NKAIN2: variants seen among roughly 807,000 people sequenced by gnomAD.
The protein encoded by NKAIN2 is sodium/potassium-transporting ATPase subunit beta-1-interacting protein 2.
A neutral mutation model predicts 32.6 loss-of-function variants in NKAIN2; 14 were observed. That is an observed-to-expected ratio of 0.43 (90% CI 0.28 to 0.67). The LOEUF (loss-of-function observed/expected upper bound fraction) is 0.67. NKAIN2 is among the 30% of genes least tolerant of loss of function. The probability of loss-of-function intolerance (pLI) is 0.17; values close to 1 mark genes in which losing one functional copy is unlikely to be tolerated. For synonymous variants in NKAIN2, 80 were observed against 87.2 expected (o/e 0.92, Z 0.46); for missense variants, 198 against 258.3 (o/e 0.77, Z 1.60).
intron 1 of NKAIN2, among the ~76,000 whole-genome samples, chr6:123,874,906 TAC>T (rs1554218241): frequency 0.011 from 1,587 of 149,002 alleles, 18 homozygotes; most frequent in African/African-American, 0.034. Flanking sequence ...CATACATACA[TAC>T]ATATATATAT....
chr6:123,983,824 T>TAACAA (rs1325082354), intron 1 of NKAIN2, among the ~76,000 whole-genome samples: 3 of 152,144 alleles, frequency 2.0e-5, no homozygotes, highest in Non-Finnish European at 2.9e-5. Context: ...ATGCAGTTGT[T>TAACAA]CTTCATGGTT....
At chr6:124,059,807 C>G (rs1384801738) in intron 1 of NKAIN2, among the ~76,000 whole-genome samples, 1 of 152,128 alleles carries the variant, frequency 6.6e-6, no homozygotes, top group Non-Finnish European at 1.5e-5. Flanking sequence ...TGTGACATCT[C>G]TTTGTTTTTT....
chr6:124,423,039 A>T (rs532437942), intron 3 of NKAIN2, among the ~76,000 whole-genome samples: 74 of 152,322 alleles, frequency 4.9e-4, no homozygotes, highest in Admixed American at 2.3e-3. Flanking sequence ...AAAATCATTG[A>T]ATTTAACTGC....
intron 2 of NKAIN2, among the ~76,000 whole-genome samples, chr6:124,300,550 G>A (rs1343886627): frequency 6.6e-6 from 1 of 152,216 alleles, no homozygotes; most frequent in East Asian, 1.9e-4. Flanking sequence ...AGGGTAACGG[G>A]CAGAGTTTGG....
chr6:124,271,484 G>A (rs1377414625), intron 1 of NKAIN2, among the ~76,000 whole-genome samples: 1 of 152,178 alleles, frequency 6.6e-6, no homozygotes, highest in East Asian at 1.9e-4. Context: ...CCAAACTGCT[G>A]GGATTACAGG....
chr6:124,196,931 T>C (rs141098356), intron 1 of NKAIN2, among the ~76,000 whole-genome samples: 1 of 151,890 alleles, frequency 6.6e-6, no homozygotes, highest in African/African-American at 2.4e-5. Flanking sequence ...GATATAGACA[T>C]GCACAAGAAC....
intron 5 of NKAIN2, among the ~76,000 whole-genome samples, chr6:124,795,951 G>GT (rs538793013): frequency 9.2e-5 from 14 of 152,180 alleles, no homozygotes; most frequent in South Asian, 4.2e-4. Flanking sequence ...AAGGGTTTCT[G>GT]TTTTTTTCCA....
Position 124,153,887 on chromosome 6 carries a change from G to C in NKAIN2, c.55-129118G>C, listed in dbSNP as rs534018906. 3.8e-4 allele frequency among the ~76,000 whole-genome samples: 56 copies of C among 147,802 alleles called. 1 individual carries two copies. The highest frequency in any genetic ancestry group is 1.3e-3 in the African/African-American group (54 of 40,666). On this transcript the variant is annotated intron_variant, in intron 1 of 6. Coordinates refer to ENST00000368417, the MANE Select transcript of NKAIN2 (RefSeq NM_001040214.3). The stretch of plus-strand genomic sequence containing the variant: ...ATAAATATAATGAGAGTGGGTACTT[G>C]TTTTCTTTCCAACTTCAGATGGAAA...
chr6:124,603,126 C>T (rs192677807), intron 3 of NKAIN2, among the ~76,000 whole-genome samples: 79 of 151,930 alleles, frequency 5.2e-4, no homozygotes, highest in Admixed American at 2.7e-3. Context: ...GATATTATCC[C>T]CATTATACAG....
At chr6:124,492,786 T>C (rs1409170719) in intron 3 of NKAIN2, among the ~76,000 whole-genome samples, 2 of 152,046 alleles carry the variant, frequency 1.3e-5, no homozygotes, top group African/African-American at 2.4e-5. Context: ...TTTTAACATA[T>C]ATGCATAAAA....
At chr6:124,575,232 G>A (rs1406307332) in intron 3 of NKAIN2, among the ~76,000 whole-genome samples, 1 of 152,126 alleles carries the variant, frequency 6.6e-6, no homozygotes, top group African/African-American at 2.4e-5. Flanking sequence ...GCACTGGCAA[G>A]GTCTGTCCCC....
intron 1 of NKAIN2, among the ~76,000 whole-genome samples, chr6:124,167,133 A>G (rs1259527322): frequency 3.5e-5 from 5 of 143,966 alleles, no homozygotes; most frequent in East Asian, 2.0e-4. Context: ...CACGATATTG[A>G]TTCTTCCTAC....
At chr6:124,143,382 G>T (rs925280318) in intron 1 of NKAIN2, among the ~76,000 whole-genome samples, 3 of 152,160 alleles carry the variant, frequency 2.0e-5, no homozygotes, top group Admixed American at 1.3e-4. Context: ...GATCATTTGA[G>T]CCCAGAGTTT....
At chr6:123,883,162 T>G (rs1051241931) in intron 1 of NKAIN2, among the ~76,000 whole-genome samples, 2 of 152,122 alleles carry the variant, frequency 1.3e-5, no homozygotes, top group African/African-American at 2.4e-5. Context: ...ATTATTTTTT[T>G]GAGACGGAGT....
At chr6:124,042,860 T>G (rs1002298296) in intron 1 of NKAIN2, among the ~76,000 whole-genome samples, 5 of 152,124 alleles carry the variant, frequency 3.3e-5, no homozygotes, top group African/African-American at 1.2e-4. Flanking sequence ...TTCATGTAAA[T>G]TAGGTTTTTC....
At chr6:124,300,202 A>G (rs1796238375) in intron 2 of NKAIN2, among the ~76,000 whole-genome samples, 2 of 152,188 alleles carry the variant, frequency 1.3e-5, no homozygotes, top group African/African-American at 4.8e-5. Flanking sequence ...AGATAATTGA[A>G]TCATGGAGGT....
chr6:124,244,970 C>T (rs762260843), intron 1 of NKAIN2, among the ~76,000 whole-genome samples: 175 of 152,214 alleles, frequency 1.1e-3, no homozygotes, highest in Non-Finnish European at 1.6e-3. Flanking sequence ...ATCCACAACT[C>T]AGCCACTTAT....
At chr6:124,452,189 CA>C (rs1776135905) in intron 3 of NKAIN2, among the ~76,000 whole-genome samples, 2 of 92,712 alleles carry the variant, frequency 2.2e-5, no homozygotes, top group African/African-American at 6.1e-5. Context: ...AGCAAGACAT[CA>C]TCTCGAAAAA....
At chr6:124,772,374 A>G (rs1262063712) in intron 4 of NKAIN2, among the ~76,000 whole-genome samples, 1 of 152,116 alleles carries the variant, frequency 6.6e-6, no homozygotes, top group Non-Finnish European at 1.5e-5. Context: ...CGAGGGCCAG[A>G]GTTAAGGGGG....
Sources: gnomAD v4.1 joint callset for allele counts (sites outside exome capture counted in the v4.1 genomes callset) on GRCh38, gnomAD v4.1.1 for gene constraint, MANE v1.5 for transcripts, NCBI Gene and HGNC (gene_info 2026-07-23, HGNC 2026-07-21) for gene names.